CPEB4: variants seen among roughly 807,000 people sequenced by gnomAD.
The protein encoded by CPEB4 is cytoplasmic polyadenylation element binding protein 4.
In CPEB4, 12 loss-of-function variants were observed where a neutral mutation model predicts 72.5. That is an observed-to-expected ratio of 0.17 (90% CI 0.11 to 0.27). The LOEUF (loss-of-function observed/expected upper bound fraction) is 0.27, where lower values mean the gene tolerates loss of function less well. Among genes scored for constraint, CPEB4 ranks in the 10% least tolerant of loss-of-function variants. The pLI, the probability that CPEB4 is intolerant of heterozygous loss-of-function variation, is 1.00. For synonymous variants in CPEB4, 302 were observed against 326.3 expected (o/e 0.93, Z 0.80); for missense variants, 614 against 908.5 (o/e 0.68, Z 4.17).
chr5:173,894,295 T>G (rs563470190), intron 1 of CPEB4, among the ~76,000 whole-genome samples: 79 of 152,272 alleles, frequency 5.2e-4, no homozygotes, highest in Middle Eastern at 3.4e-3. Flanking sequence ...ATCCTGTTTT[T>G]AGACACAGCT....
At chr5:173,906,393 C>G (rs1406076525) in intron 1 of CPEB4, among the ~76,000 whole-genome samples, 1 of 152,162 alleles carries the variant, frequency 6.6e-6, no homozygotes, top group Non-Finnish European at 1.5e-5. Context: ...AATCTTAAAA[C>G]CTGCTCTGAG....
intron 2 of CPEB4, among the ~76,000 whole-genome samples, chr5:173,925,131 GTTGAAGT>G (rs1757199446): frequency 6.6e-6 from 1 of 152,198 alleles, no homozygotes; most frequent in Admixed American, 6.5e-5. Context: ...TTACCCAGAA[GTTGAAGT>G]TATGGGCCAG....
chr5:173,914,963 G>T (rs908468219), intron 2 of CPEB4, among the ~76,000 whole-genome samples: 2 of 152,112 alleles, frequency 1.3e-5, no homozygotes, highest in Non-Finnish European at 2.9e-5. Context: ...TAGGTATGCA[G>T]TTTGTGTGTG....
At chr5:173,905,206 A>G (rs1459924372) in intron 1 of CPEB4, among the ~76,000 whole-genome samples, 3 of 152,004 alleles carry the variant, frequency 2.0e-5, no homozygotes, top group Non-Finnish European at 2.9e-5. Flanking sequence ...CTTTTGTTTT[A>G]TAAGAGATTC....
intron 2 of CPEB4, among the ~76,000 whole-genome samples, chr5:173,924,192 A>G (rs1757165580): frequency 6.6e-6 from 1 of 152,180 alleles, no homozygotes; most frequent in Non-Finnish European, 1.5e-5. Flanking sequence ...ATCATATTAC[A>G]ATTGAAACAT....
intron 3 of CPEB4, among the ~76,000 whole-genome samples, chr5:173,936,431 C>T (rs540430919): frequency 6.6e-6 from 1 of 152,310 alleles, no homozygotes; most frequent in South Asian, 2.1e-4. Flanking sequence ...TTTTTAAAGA[C>T]CCTGTCTCCA....
chr5:173,920,281 T>G (rs746048799), intron 2 of CPEB4, among the ~76,000 whole-genome samples: 43 of 152,206 alleles, frequency 2.8e-4, no homozygotes, highest in Non-Finnish European at 4.9e-4. Flanking sequence ...AGTTGCTGTG[T>G]ATTGGAAAAG....
intron 2 of CPEB4, among the ~76,000 whole-genome samples, chr5:173,924,119 C>G (rs1177885468): frequency 6.6e-6 from 1 of 152,144 alleles, no homozygotes; most frequent in Non-Finnish European, 1.5e-5. Flanking sequence ...ATTCCATTGA[C>G]CTCTCCCATC....
chr5:173,890,360 T>C lies in CPEB4; in HGVS notation c.627T>C (p.Asn209=). ...ATAACGGTGCTCTGTTGTTTCAAAA[T>C]TTCCCCCATCATGTCAGCCCTGGCT... ...SANNGALLFQ[N]FPHHVSPGFG... The change falls in exon 1 of 10, where the codon AAT becomes AAC. Residue 209 remains asparagine, a synonymous_variant. Coordinates refer to ENST00000265085, the MANE Select transcript of CPEB4 (RefSeq NM_030627.4). 6.2e-7 allele frequency: 1 copy of C among 1,614,100 alleles called. No individual in the cohort carries two copies. The highest frequency in any genetic ancestry group is 8.5e-7 in the Non-Finnish European group (1 of 1,180,022).
intron 2 of CPEB4, among the ~76,000 whole-genome samples, chr5:173,913,265 TC>T (rs1279157569): frequency 6.6e-6 from 1 of 151,842 alleles, no homozygotes; most frequent in African/African-American, 2.4e-5. Context: ...TGGCACGATC[TC>T]AGCTCACTGC....
At chr5:173,930,735 TC>T (rs1757415566) in intron 2 of CPEB4, among the ~76,000 whole-genome samples, 1 of 152,056 alleles carries the variant, frequency 6.6e-6, no homozygotes, top group Admixed American at 6.6e-5. Flanking sequence ...ACTCCTGTAA[TC>T]CTAGCACTTT....
chr5:173,904,252 C>A (rs1250038358), intron 1 of CPEB4, among the ~76,000 whole-genome samples: 1 of 152,150 alleles, frequency 6.6e-6, no homozygotes, highest in Non-Finnish European at 1.5e-5. Flanking sequence ...AATAACTGAA[C>A]ATATCTAATT....
At chr5:173,893,687 AG>A (rs1274659088) in intron 1 of CPEB4, among the ~76,000 whole-genome samples, 5 of 152,198 alleles carry the variant, frequency 3.3e-5, no homozygotes, top group Admixed American at 3.3e-4. Context: ...ATTCAATCAA[AG>A]GCCAGCACGT....
chr5:173,943,318 A>T (rs951833242), intron 4 of CPEB4, among the ~76,000 whole-genome samples: 3 of 152,198 alleles, frequency 2.0e-5, no homozygotes, highest in Non-Finnish European at 2.9e-5. Flanking sequence ...ATATCTAAAG[A>T]TGTGCTTTTT....
Position 173,889,180 on chromosome 5 carries a change from A to G in CPEB4, c.-554A>G, listed in dbSNP as rs1755714236. 6.6e-6 allele frequency: 1 copy of G among 150,612 alleles called. No individual in the cohort carries two copies. The highest frequency in any genetic ancestry group is 1.9e-4 in the East Asian group (1 of 5,174). The allele number at this position is 150,612 out of a possible 1,614,324, so 9.3% of individuals were successfully genotyped here. On this transcript the variant is annotated 5_prime_UTR_variant, in exon 1 of 10. Transcript: ENST00000265085. ...TATAATCTATATATATAAATATATA[A>G]TATATAATGTTCTTAAATTATTCCT... is the stretch of plus-strand genomic sequence containing the variant.
intron 2 of CPEB4, among the ~76,000 whole-genome samples, chr5:173,928,661 T>TA (rs1757333763): frequency 6.6e-6 from 1 of 152,106 alleles, no homozygotes; most frequent in Admixed American, 6.6e-5. Context: ...TATAGAAACT[T>TA]ACACCAATAT....
chr5:173,891,113 AATT>A lies in CPEB4; in HGVS notation c.1125+260_1125+262del, dbSNP rs146380624. ...AATACCTGGTAGCTGGTGATGTAGT[AATT>A]ATTAACTATAATACCTTTCTTGCCT... is the stretch of plus-strand genomic sequence containing the variant. On this transcript the variant is annotated intron_variant, in intron 1 of 9. Transcript: ENST00000265085. Among the ~76,000 whole-genome samples the A allele has an allele frequency of 5.7e-3, 873 of 152,308 alleles. 8 individuals are homozygous for A. The highest frequency in any genetic ancestry group is 0.02 in the African/African-American group (825 of 41,564).
chr5:173,908,241 T>C (rs77529873), intron 1 of CPEB4, among the ~76,000 whole-genome samples: 458 of 152,312 alleles, frequency 3.0e-3, no homozygotes, highest in Non-Finnish European at 5.5e-3. Flanking sequence ...TAAACCTTAG[T>C]CTGATCCTGG....
intron 3 of CPEB4, among the ~76,000 whole-genome samples, chr5:173,942,142 G>T (rs989353802): frequency 3.3e-5 from 5 of 152,092 alleles, no homozygotes; most frequent in Admixed American, 3.3e-4. Flanking sequence ...ATAACAATAG[G>T]CATGCTACAC....
Sources: gnomAD v4.1 joint callset for allele counts (sites outside exome capture counted in the v4.1 genomes callset) on GRCh38, gnomAD v4.1.1 for gene constraint, MANE v1.5 for transcripts, NCBI Gene and HGNC (gene_info 2026-07-23, HGNC 2026-07-21) for gene names.